EXOC4: variants seen among roughly 807,000 people sequenced by gnomAD.
EXOC4 encodes exocyst complex component 4.
EXOC4 carries 71 observed loss-of-function variants against 107.2 expected under a neutral mutation model. The observed-to-expected ratio is 0.66, with a 90% CI of 0.55 to 0.81. The LOEUF (loss-of-function observed/expected upper bound fraction) is 0.81. EXOC4 is among the 30% of genes least tolerant of loss of function. EXOC4 has a pLI of 0.00. For synonymous variants in EXOC4, 456 were observed against 441.2 expected (o/e 1.03, Z -0.42); for missense variants, 1,108 against 1,189.6 (o/e 0.93, Z 1.01).
intron 9 of EXOC4, among the ~76,000 whole-genome samples, chr7:133,582,153 G>T (rs1309490730): frequency 6.6e-6 from 1 of 152,142 alleles, no homozygotes; most frequent in South Asian, 2.1e-4. Context: ...GTAGGCCCCA[G>T]TGTCTCTTGG....
chr7:133,935,756 A>G (rs571751932), intron 13 of EXOC4, among the ~76,000 whole-genome samples: 86 of 152,248 alleles, frequency 5.6e-4, no homozygotes, highest in South Asian at 3.9e-3. Flanking sequence ...TAAAGTGGTG[A>G]TGGGGAGGCA....
At chr7:133,703,757 C>G (rs1203500940) in intron 10 of EXOC4, among the ~76,000 whole-genome samples, 1 of 152,178 alleles carries the variant, frequency 6.6e-6, no homozygotes, top group African/African-American at 2.4e-5. Flanking sequence ...TAGGAGCTGT[C>G]TCATCAGCTG....
the EXOC4 span, among the ~76,000 whole-genome samples, chr7:134,089,743 A>G: frequency 6.6e-6 from 1 of 152,128 alleles, no homozygotes; most frequent in Non-Finnish European, 1.5e-5. Context: ...TAAACAACCA[A>G]TTATTTTACT....
At chr7:134,051,487 A>G (rs1055654548) in intron 17 of EXOC4, among the ~76,000 whole-genome samples, 1 of 152,082 alleles carries the variant, frequency 6.6e-6, no homozygotes, top group South Asian at 2.1e-4. Flanking sequence ...CCTGGCCAAG[A>G]TGGTGAAACC....
At chr7:133,865,462 T>A (rs938219199) in intron 11 of EXOC4, among the ~76,000 whole-genome samples, 2 of 152,230 alleles carry the variant, frequency 1.3e-5, no homozygotes, top group African/African-American at 4.8e-5. Context: ...TTTGTGGTTA[T>A]TTTTATTTAT....
intron 9 of EXOC4, among the ~76,000 whole-genome samples, chr7:133,579,551 T>C (rs1801204231): frequency 6.6e-6 from 1 of 152,190 alleles, no homozygotes; most frequent in Non-Finnish European, 1.5e-5. Flanking sequence ...TCCATCCATA[T>C]TGTAGTTCAA....
At chr7:133,420,076 C>T (rs1405430884) in intron 7 of EXOC4, among the ~76,000 whole-genome samples, 1 of 146,168 alleles carries the variant, frequency 6.8e-6, no homozygotes, top group Non-Finnish European at 1.5e-5. Context: ...CCCACTAACT[C>T]GTCATCTAGC....
rs1797426625 is a variant in EXOC4, at chr7:133,414,347, G to T, written c.1182+39345G>T. Reference sequence around the variant, plus strand: ...TGTTGGCAAGGATGAGAAGAAACAGGAACTCTTGTATATTACTGATGAGAA... The same window carrying T: ...TGTTGGCAAGGATGAGAAGAAACAGTAACTCTTGTATATTACTGATGAGAA... On this transcript the variant is annotated intron_variant, in intron 7 of 17. Coordinates refer to ENST00000253861, the MANE Select transcript of EXOC4 (RefSeq NM_021807.4). Among the ~76,000 whole-genome samples, 3 of 152,104 alleles carry T rather than the reference G, an allele frequency of 2.0e-5. No homozygotes were observed. The South Asian group carries it at 6.2e-4, about 32-fold the overall frequency.
chr7:133,806,827 A>C (rs1797088355), intron 10 of EXOC4, among the ~76,000 whole-genome samples: 1 of 152,116 alleles, frequency 6.6e-6, no homozygotes, highest in Non-Finnish European at 1.5e-5. Context: ...TCTGCTTCCA[A>C]ATGGCAATTA....
intron 17 of EXOC4, among the ~76,000 whole-genome samples, chr7:134,012,681 G>A (rs1794799144): frequency 6.6e-6 from 1 of 152,118 alleles, no homozygotes; most frequent in Non-Finnish European, 1.5e-5. Flanking sequence ...GCATATAGGT[G>A]GGATTTAAAG....
At chr7:133,930,115 T>A (rs1800143619) in intron 13 of EXOC4, among the ~76,000 whole-genome samples, 1 of 152,218 alleles carries the variant, frequency 6.6e-6, no homozygotes, top group Non-Finnish European at 1.5e-5. Context: ...CAACTTATAA[T>A]AAGTGATTAT....
At chr7:133,953,622 G>A (rs1800745244) in intron 14 of EXOC4, among the ~76,000 whole-genome samples, 1 of 151,894 alleles carries the variant, frequency 6.6e-6, no homozygotes, top group South Asian at 2.1e-4. Flanking sequence ...CTGCACTCCA[G>A]CCCAGCAACA....
chr7:133,676,949 GTGTGTGTA>G (rs750385392), intron 10 of EXOC4, among the ~76,000 whole-genome samples: 974 of 87,422 alleles, frequency 0.011, 6 homozygotes, highest in South Asian at 0.028. Flanking sequence ...GTGTGTGTGT[GTGTGTGTA>G]TGTGTGTGTG....
intron 7 of EXOC4, among the ~76,000 whole-genome samples, chr7:133,386,429 G>T (rs1011665577): frequency 1.3e-5 from 2 of 152,160 alleles, no homozygotes; most frequent in African/African-American, 4.8e-5. Flanking sequence ...GTGGCTGTCA[G>T]CAGGGAGCAC....
At chr7:133,700,411 G>A (rs1229766408) in intron 10 of EXOC4, among the ~76,000 whole-genome samples, 1 of 152,122 alleles carries the variant, frequency 6.6e-6, no homozygotes, top group Non-Finnish European at 1.5e-5. Context: ...AACTTTGTAT[G>A]TTAACAAAAG....
chr7:133,845,421 C>T (rs1798106693), intron 11 of EXOC4, among the ~76,000 whole-genome samples: 1 of 144,234 alleles, frequency 6.9e-6, no homozygotes, highest in African/African-American at 2.6e-5. Flanking sequence ...TTATATATAT[C>T]TTATATATAC....
chr7:133,862,218 G>C (rs1033813560), intron 11 of EXOC4, among the ~76,000 whole-genome samples: 1 of 150,476 alleles, frequency 6.6e-6, no homozygotes, highest in African/African-American at 2.4e-5. Flanking sequence ...TAGGTCGGGC[G>C]TGGTGGTTCA....
chr7:134,075,225 T>G, the EXOC4 span, among the ~76,000 whole-genome samples: 1 of 152,204 alleles, frequency 6.6e-6, no homozygotes, highest in Non-Finnish European at 1.5e-5. Flanking sequence ...ATGGGTGATT[T>G]GGGGTGATGG....
intron 7 of EXOC4, among the ~76,000 whole-genome samples, chr7:133,466,542 A>G (rs546100468): frequency 1.5e-4 from 23 of 152,322 alleles, no homozygotes; most frequent in Admixed American, 3.3e-4. Context: ...TCCTATAACA[A>G]ATAAATTAGT....
Sources: gnomAD v4.1 joint callset for allele counts (sites outside exome capture counted in the v4.1 genomes callset) on GRCh38, gnomAD v4.1.1 for gene constraint, MANE v1.5 for transcripts, NCBI Gene and HGNC (gene_info 2026-07-23, HGNC 2026-07-21) for gene names.